DZANK1: variants seen among roughly 807,000 people sequenced by gnomAD.
DZANK1 encodes double zinc ribbon and ankyrin repeat-containing protein 1.
A neutral mutation model predicts 94.5 loss-of-function variants in DZANK1; 91 were observed. The observed-to-expected ratio is 0.96, with a 90% CI of 0.81 to 1.15. The LOEUF (loss-of-function observed/expected upper bound fraction) is 1.15, where lower values mean the gene tolerates loss of function less well. Ranked by LOEUF, DZANK1 falls within the 50% of genes most tolerant of loss-of-function variation. The probability of loss-of-function intolerance (pLI) is 0.00; values close to 1 mark genes in which losing one functional copy is unlikely to be tolerated. For synonymous variants in DZANK1, 312 were observed against 325.3 expected (o/e 0.96, Z 0.44); for missense variants, 903 against 916.4 (o/e 0.99, Z 0.19).
intron 13 of DZANK1, among the ~76,000 whole-genome samples, chr20:18,405,924 C>T (rs913219833): frequency 1.3e-5 from 2 of 152,208 alleles, no homozygotes; most frequent in African/African-American, 4.8e-5. Context: ...ACACTGAACT[C>T]GGTACTGCCC....
At chr20:18,454,355 C>T (rs2059210344) in intron 4 of DZANK1, 1 of 201,142 alleles carries the variant, frequency 5.0e-6, no homozygotes, top group Non-Finnish European at 9.9e-6. Context: ...ACACTTGAGT[C>T]CCACCCATGC....
chr20:18,452,373 C>T (rs780435180), intron 6 of DZANK1, among the ~76,000 whole-genome samples: 22 of 152,112 alleles, frequency 1.4e-4, no homozygotes, highest in African/African-American at 4.8e-4. Flanking sequence ...TTCTTCATGA[C>T]GCTTACCACC....
intron 8 of DZANK1, 38 bp downstream of exon 8, chr20:18,443,309 A>G (rs2058768389): frequency 9.1e-6 from 12 of 1,312,378 alleles, no homozygotes; most frequent in Non-Finnish European, 1.2e-5. Flanking sequence ...AGATCAGATC[A>G]ACCAATGAAA....
chr20:18,452,591 C>A, intron 6 of DZANK1, 24 bp downstream of exon 6: 2 of 1,588,276 alleles, frequency 1.3e-6, no homozygotes, highest in East Asian at 2.2e-5. Context: ...TTTGAATACC[C>A]TAAAGATTGT....
chr20:18,445,625 G>A (rs570818183), intron 7 of DZANK1, among the ~76,000 whole-genome samples: 23 of 152,254 alleles, frequency 1.5e-4, no homozygotes, highest in East Asian at 1.2e-3. Context: ...ACCAGGCCAC[G>A]TGTACTGGCT....
At chr20:18,435,142 C>T (rs2058467181) in intron 8 of DZANK1, among the ~76,000 whole-genome samples, 1 of 152,192 alleles carries the variant, frequency 6.6e-6, no homozygotes, top group Admixed American at 6.5e-5. Context: ...TGGAAAACAG[C>T]CTTGAGTTTC....
At position 18,460,217 on chromosome 20, in the gene DZANK1, T is replaced by A. The variant is rs1302859145; in HGVS notation, c.199A>T (p.Lys67Ter). 3.8e-6 allele frequency: 6 copies of A among 1,595,090 alleles called. No individual in the cohort carries two copies. In the South Asian group the frequency reaches 5.6e-5, roughly 15 times the overall value. The change falls in exon 3 of 21, where the codon AAG (lysine) becomes TAG (stop). Residue 67 changes from lysine (K) to a stop codon, truncating the protein, a stop_gained. Coordinates refer to ENST00000262547, the Ensembl canonical transcript of DZANK1. LOFTEE classifies it high-confidence loss of function. ...GGCAGAGTAATAGGTTTTATATACT[T>A]AAATGTGTTATTTTCCCCATAACCA...
intron 9 of DZANK1, among the ~76,000 whole-genome samples, chr20:18,430,108 C>T (rs1230491183): frequency 1.3e-5 from 2 of 152,166 alleles, no homozygotes; most frequent in Non-Finnish European, 2.9e-5. Context: ...AAGAGGAGAA[C>T]AATTTTCAAA....
chr20:18,399,072 G>C (rs2056523150), intron 13 of DZANK1, among the ~76,000 whole-genome samples: 1 of 150,054 alleles, frequency 6.7e-6, no homozygotes, highest in African/African-American at 2.5e-5. Flanking sequence ...GTTGCAATGA[G>C]CTGAGATTGC....
chr20:18,397,610 C>A (rs893452714), intron 14 of DZANK1, among the ~76,000 whole-genome samples: 24 of 152,178 alleles, frequency 1.6e-4, no homozygotes, highest in African/African-American at 5.8e-4. Flanking sequence ...ATTAAACCAC[C>A]ACCACTTTAT....
At chr20:18,459,393 A>G (rs1234004984) in intron 3 of DZANK1, among the ~76,000 whole-genome samples, 4 of 152,186 alleles carry the variant, frequency 2.6e-5, no homozygotes, top group Non-Finnish European at 5.9e-5. Context: ...AAAGCCATGC[A>G]GTAATTCAGT....
chr20:18,425,824 G>A (rs1600937802), intron 10 of DZANK1, among the ~76,000 whole-genome samples: 1 of 152,294 alleles, frequency 6.6e-6, no homozygotes, highest in South Asian at 2.1e-4. Context: ...GATGGCAAAG[G>A]CAGAGACTGG....
rs2058719449 is a variant in DZANK1, at chr20:18,441,666, A to G, written c.747+1681T>C. ...GTTGTCACCCACCGGATGGCAGAGA[A>G]GTTCACTGAGGTGACACAGATCAGA... On this transcript the variant is annotated intron_variant, in intron 8 of 20. Coordinates refer to ENST00000262547, the Ensembl canonical transcript of DZANK1. The surrounding 1 kb of genome is among the most constrained non-coding windows in gnomAD (Gnocchi z 4.1). Among the ~76,000 whole-genome samples, 1 of 152,228 alleles carries G rather than the reference A, an allele frequency of 6.6e-6. No individual in the cohort carries two copies. Among genetic ancestry groups the G allele is most frequent in the South Asian group, 2.1e-4 (1 of 4,834 alleles).
At chr20:18,402,902 C>T (rs184653692) in intron 13 of DZANK1, among the ~76,000 whole-genome samples, 104 of 152,228 alleles carry the variant, frequency 6.8e-4, no homozygotes, top group African/African-American at 2.4e-3. Context: ...GTTCTAAAGC[C>T]ATACAGAAAA....
In DZANK1 at chr20:18,455,339, C is replaced by A. The variant is rs1473949797; in HGVS notation, c.286G>T (p.Val96Leu). The change falls in exon 4 of 21, where the codon GTG becomes TTG. Residue 96 changes from valine (V) to leucine (L), a missense_variant. Transcript: ENST00000262547. ...TAGTCTACGTGAAACACCTTTGTCA[C>A]AATGCCACTCTGTCTGCAGTCTCTG... 1.9e-6 allele frequency: 3 copies of A among 1,606,022 alleles called. No homozygotes were observed. The Admixed American group carries it at 5.1e-5, about 27-fold the overall frequency.
chr20:18,442,286 G>A (rs1370410133), intron 8 of DZANK1, among the ~76,000 whole-genome samples: 5 of 152,010 alleles, frequency 3.3e-5, no homozygotes, highest in Non-Finnish European at 7.4e-5. Context: ...TTTTGGTATC[G>A]CACCAACTAG....
At chr20:18,390,950 C>T (rs112852025) in intron 17 of DZANK1, among the ~76,000 whole-genome samples, 4,114 of 152,280 alleles carry the variant, frequency 0.027, 90 homozygotes, top group Non-Finnish European at 0.043. Context: ...AATCCCAGCA[C>T]TTTGGGAGGC....
intron 9 of DZANK1, among the ~76,000 whole-genome samples, chr20:18,427,902 G>C (rs1487558429): frequency 6.6e-6 from 1 of 152,044 alleles, no homozygotes; most frequent in Non-Finnish European, 1.5e-5. Flanking sequence ...TGTAATCCCA[G>C]CACTTTGGGA....
At chr20:18,400,193 C>T (rs886266941) in intron 13 of DZANK1, among the ~76,000 whole-genome samples, 1 of 152,128 alleles carries the variant, frequency 6.6e-6, no homozygotes, top group Non-Finnish European at 1.5e-5. Context: ...AGACTTAGGA[C>T]AGGTGGTTTC....
Sources: gnomAD v4.1 joint callset for allele counts (sites outside exome capture counted in the v4.1 genomes callset) on GRCh38, gnomAD v4.1.1 for gene constraint, Gnocchi (gnomAD v3.1) non-coding constraint, MANE v1.5 for transcripts, NCBI Gene and HGNC (gene_info 2026-07-23, HGNC 2026-07-21) for gene names.